The following TENM2 variants were observed in gnomAD, a reference collection of about 807,000 sequenced individuals.
TENM2 encodes teneurin-2.
A neutral mutation model predicts 245.2 loss-of-function variants in TENM2; 52 were observed. That is an observed-to-expected ratio of 0.21 (90% CI 0.17 to 0.27). The LOEUF (loss-of-function observed/expected upper bound fraction) is 0.27, where lower values mean the gene tolerates loss of function less well. TENM2 is among the 10% of genes least tolerant of loss of function. TENM2 has a pLI of 1.00. For synonymous variants in TENM2, 1,363 were observed against 1,438.9 expected (o/e 0.95, Z 1.19); for missense variants, 3,046 against 3,666.8 (o/e 0.83, Z 4.37).
the TENM2 span, among the ~76,000 whole-genome samples, chr5:167,142,285 A>T: frequency 1.1e-4 from 16 of 152,220 alleles, no homozygotes; most frequent in African/African-American, 3.6e-4. Flanking sequence ...ACTCCTGCCC[A>T]GAGACCTAGA....
intron 2 of TENM2, among the ~76,000 whole-genome samples, chr5:167,392,963 A>T (rs1373772293): frequency 6.6e-6 from 1 of 151,978 alleles, no homozygotes; most frequent in Non-Finnish European, 1.5e-5. Flanking sequence ...CTCTACTAAA[A>T]ATACAAAAAT....
intron 7 of TENM2, among the ~76,000 whole-genome samples, chr5:168,063,629 T>C (rs955281573): frequency 7.2e-5 from 11 of 152,284 alleles, no homozygotes; most frequent in Non-Finnish European, 1.6e-4. Flanking sequence ...AAAAAACCCA[T>C]TGGCAAATGC....
In TENM2 at chr5:167,310,655, A is replaced by G. The variant is rs185977731; in HGVS notation, c.226+25592A>G. On this transcript the variant is annotated intron_variant, in intron 1 of 28. Transcript: ENST00000518659. ...AAAAAACAAAAAAAACAACAAATAG[A>G]GTTTCAAATTTCATTTGATCAGGAT... Among the ~76,000 whole-genome samples, 145 of 152,330 alleles carry G rather than the reference A, an allele frequency of 9.5e-4. 1 individual carries two copies. The highest frequency in any genetic ancestry group is 3.4e-3 in the Middle Eastern group (1 of 294).
intron 2 of TENM2, among the ~76,000 whole-genome samples, chr5:167,764,154 A>G (rs1449056132): frequency 6.6e-6 from 1 of 152,146 alleles, no homozygotes; most frequent in East Asian, 1.9e-4. Flanking sequence ...ATATATTGTT[A>G]GGGATAAATT....
At chr5:167,167,480 C>A in the TENM2 span, among the ~76,000 whole-genome samples, 1 of 152,134 alleles carries the variant, frequency 6.6e-6, no homozygotes, top group Non-Finnish European at 1.5e-5. Flanking sequence ...TCCCCACGTT[C>A]CCAAGCGTTT....
At chr5:167,973,653 G>C (rs916849600) in intron 4 of TENM2, among the ~76,000 whole-genome samples, 11 of 152,134 alleles carry the variant, frequency 7.2e-5, no homozygotes, top group African/African-American at 2.7e-4. Context: ...GTTCCATCTG[G>C]GTGGAACAGT....
intron 12 of TENM2, among the ~76,000 whole-genome samples, chr5:168,136,079 A>G (rs1755020077): frequency 6.6e-6 from 1 of 152,202 alleles, no homozygotes; most frequent in African/African-American, 2.4e-5. Flanking sequence ...TTAACTCAGC[A>G]GATGTTTATA....
chr5:167,354,735 C>A (rs1581824081), intron 1 of TENM2, among the ~76,000 whole-genome samples: 1 of 152,258 alleles, frequency 6.6e-6, no homozygotes, highest in South Asian at 2.1e-4. Context: ...GAGCTGTATG[C>A]CTTCTTCATA....
chr5:167,084,107 A>T, the TENM2 span, among the ~76,000 whole-genome samples: 1 of 151,630 alleles, frequency 6.6e-6, no homozygotes, highest in Non-Finnish European at 1.5e-5. Context: ...GGGTATAAGA[A>T]ATGGTAGTGA....
chr5:167,059,094 A>G, the TENM2 span, among the ~76,000 whole-genome samples: 1 of 152,198 alleles, frequency 6.6e-6, no homozygotes, highest in Admixed American at 6.5e-5. Context: ...AAGTCTGCAA[A>G]CCTCTGATAT....
chr5:167,754,920 G>A lies in TENM2; in HGVS notation c.503-121066G>A, dbSNP rs892358367. The A allele has an allele frequency of 1.6e-5, 19 of 1,176,490 alleles. No individual in the cohort carries two copies. In the African/African-American group the frequency reaches 2.6e-4, roughly 16 times the overall value. 72.9% of individuals were successfully genotyped at this position (1,176,490 alleles called of 1,614,324 possible). A position where few individuals can be genotyped will look rare whatever the true frequency, so the allele number is the denominator to read the frequency against. On this transcript the variant is annotated intron_variant, in intron 2 of 28. Coordinates refer to ENST00000518659, the Ensembl canonical transcript of TENM2. The stretch of plus-strand genomic sequence containing the variant: ...GGAGCAGAAAGGGAGGAGGGAGAGA[G>A]CAGATATTGCCTATTATGCTTTTCC...
At chr5:167,398,697 C>G (rs1762210003) in intron 2 of TENM2, among the ~76,000 whole-genome samples, 3 of 152,088 alleles carry the variant, frequency 2.0e-5, no homozygotes, top group Admixed American at 2.0e-4. Flanking sequence ...GCCTCGGCCT[C>G]CCAAAGTGCT....
intron 5 of TENM2, among the ~76,000 whole-genome samples, chr5:168,029,814 T>G (rs1299768419): frequency 1.3e-5 from 2 of 152,246 alleles, no homozygotes; most frequent in Admixed American, 1.3e-4. Flanking sequence ...TAATTGCACA[T>G]CCATTAATGA....
chr5:167,737,062 G>A (rs973276065), intron 2 of TENM2, among the ~76,000 whole-genome samples: 2 of 152,196 alleles, frequency 1.3e-5, no homozygotes, highest in Middle Eastern at 3.2e-3. Context: ...TTGGGATTCA[G>A]ATCTTTCTGC....
Position 168,053,156 on chromosome 5 carries a change from G to A in TENM2, c.1309+5607G>A, listed in dbSNP as rs182630936. On this transcript the variant is annotated intron_variant, in intron 6 of 28. Coordinates refer to ENST00000518659, the Ensembl canonical transcript of TENM2. Reference sequence around the variant, plus strand: ...ACACCCCTTTACTGCACGTCTACTGGCAAATATACCAACATCCTAACTACC... The same window carrying A: ...ACACCCCTTTACTGCACGTCTACTGACAAATATACCAACATCCTAACTACC... 1.7e-3 allele frequency among the ~76,000 whole-genome samples: 258 copies of A among 152,230 alleles called. 2 individuals are homozygous for A. Among genetic ancestry groups the A allele is most frequent in the Middle Eastern group, 3.4e-3 (1 of 292 alleles).
intron 2 of TENM2, among the ~76,000 whole-genome samples, chr5:167,529,628 C>T (rs1375648740): frequency 1.3e-5 from 2 of 152,146 alleles, no homozygotes. Context: ...AGTGAAGTCA[C>T]GTGTATGCTC....
chr5:167,906,134 C>A (rs764610212), intron 3 of TENM2, among the ~76,000 whole-genome samples: 1 of 152,130 alleles, frequency 6.6e-6, no homozygotes, highest in African/African-American at 2.4e-5. Context: ...AGATTTCCCA[C>A]TGAACCTGTC....
chr5:167,400,227 A>G (rs1488056426), intron 2 of TENM2, among the ~76,000 whole-genome samples: 1 of 152,108 alleles, frequency 6.6e-6, no homozygotes, highest in Non-Finnish European at 1.5e-5. Context: ...AAGAGTTGAT[A>G]ATGGTCCCAT....
chr5:167,461,165 ATATACTGTGGTGTTT>A (rs1313337887), intron 2 of TENM2, among the ~76,000 whole-genome samples: 1 of 151,640 alleles, frequency 6.6e-6, no homozygotes, highest in Non-Finnish European at 1.5e-5. Context: ...TCATATTCAT[ATATACTGTGGTGTTT>A]TTAAATATTA....
Sources: allele counts gnomAD v4.1 joint callset (sites outside exome capture counted in the v4.1 genomes callset), GRCh38; gene constraint gnomAD v4.1.1; transcripts MANE v1.5; gene names NCBI Gene and HGNC (gene_info 2026-07-23, HGNC 2026-07-21).